Variants in TMEM178B observed in about 807,000 individuals in gnomAD.
TMEM178B encodes the protein transmembrane protein 178B.
In TMEM178B, 5 loss-of-function variants were observed where a neutral mutation model predicts 31.0. That is an observed-to-expected ratio of 0.16 (90% CI 0.08 to 0.34). The LOEUF (loss-of-function observed/expected upper bound fraction) is 0.34. Ranked by LOEUF, TMEM178B falls within the 10% of genes least tolerant of loss-of-function variation. TMEM178B has a pLI of 1.00. For missense variants in TMEM178B, 275 were observed against 400.3 expected (o/e 0.69, Z 2.67); for synonymous variants, 164 against 164.0 (o/e 1.00, Z 0.00).
intron 1 of TMEM178B, among the ~76,000 whole-genome samples, chr7:141,090,021 C>G (rs1034589208): frequency 6.6e-6 from 1 of 151,852 alleles, no homozygotes; most frequent in Non-Finnish European, 1.5e-5. Context: ...AAAAAAAAGT[C>G]TAGCCACCAC....
downstream of TMEM178B, among the ~76,000 whole-genome samples, chr7:141,482,916 G>T (rs150905771): frequency 1.3e-5 from 2 of 150,600 alleles, no homozygotes; most frequent in East Asian, 3.9e-4. Context: ...GTGTGTTTGC[G>T]GGGGGCGGTG....
intron 2 of TMEM178B, among the ~76,000 whole-genome samples, chr7:141,333,532 G>A (rs557169036): frequency 6.6e-6 from 1 of 152,314 alleles, no homozygotes; most frequent in South Asian, 2.1e-4. Context: ...GATGCCAGAG[G>A]AAGTTAATTA....
rs1349039213 is a variant in TMEM178B at position 141,474,585 on chromosome 7, A to G, written c.*3799A>G. ...ACAACTCCTCCAAATCTAGACAAAG[A>G]CTTTCTTAAGCGCCCTGAGCCCAGG... On this transcript the variant is annotated 3_prime_UTR_variant, in exon 4 of 4. Transcript: ENST00000565468. 1.3e-5 allele frequency: 2 copies of G among 152,188 alleles called. No homozygotes were observed. The highest frequency in any genetic ancestry group is 4.8e-5 in the African/African-American group (2 of 41,436). 9.4% of individuals were successfully genotyped at this position (152,188 alleles called of 1,614,324 possible).
intron 3 of TMEM178B, among the ~76,000 whole-genome samples, chr7:141,467,651 T>A (rs933721974): frequency 1.3e-5 from 2 of 152,152 alleles, no homozygotes; most frequent in African/African-American, 4.8e-5. Context: ...CCGAAGTGCC[T>A]TGACCCTACA....
chr7:141,472,903 G>C lies in TMEM178B; in HGVS notation c.*2117G>C, dbSNP rs1225291438. ...TCTCTGGTGCATTTTGTGTACGTTT[G>C]TGTCAGTACACACCTGCACACAGGT... is the stretch of plus-strand genomic sequence containing the variant. On this transcript the variant is annotated 3_prime_UTR_variant, in exon 4 of 4. Coordinates refer to ENST00000565468, the MANE Select transcript of TMEM178B (RefSeq NM_001195278.2). 1.3e-5 allele frequency: 2 copies of C among 152,164 alleles called. No individual in the cohort carries two copies. Among genetic ancestry groups the C allele is most frequent in the African/African-American group, 4.8e-5 (2 of 41,412 alleles). The allele number at this position is 152,164 out of a possible 1,614,324, so 9.4% of individuals were successfully genotyped here.
chr7:141,136,040 A>G (rs183107087), intron 1 of TMEM178B, among the ~76,000 whole-genome samples: 235 of 152,330 alleles, frequency 1.5e-3, no homozygotes, highest in Non-Finnish European at 2.6e-3. Context: ...TAGAATTCAT[A>G]TGGAACCACA....
chr7:141,185,963 T>C (rs1453954013), intron 1 of TMEM178B, among the ~76,000 whole-genome samples: 1 of 152,118 alleles, frequency 6.6e-6, no homozygotes, highest in Non-Finnish European at 1.5e-5. Context: ...AATGTGGACT[T>C]TGGTCCTTGA....
At chr7:141,313,676 C>T (rs1042288341) in intron 2 of TMEM178B, among the ~76,000 whole-genome samples, 1 of 152,016 alleles carries the variant, frequency 6.6e-6, no homozygotes, top group Non-Finnish European at 1.5e-5. Flanking sequence ...TTTTGGCTGC[C>T]CTTTGCAGAG....
In TMEM178B at chr7:141,360,102, C is replaced by T. The variant is rs185316277; in HGVS notation, c.497-77506C>T. The stretch of plus-strand genomic sequence containing the variant: ...GATTTGGGTGGGAACACAGCCAAAC[C>T]ATATCATCACCCCACTCTGACAACT... On this transcript the variant is annotated intron_variant, in intron 2 of 3. Transcript: ENST00000565468. Among the ~76,000 whole-genome samples, 27 of 152,266 alleles carry T rather than the reference C, an allele frequency of 1.8e-4. No individual in the cohort carries two copies. In the East Asian group the frequency reaches 5.0e-3, roughly 28 times the overall value.
At chr7:141,400,575 G>C (rs1045168237) in intron 2 of TMEM178B, among the ~76,000 whole-genome samples, 2 of 152,140 alleles carry the variant, frequency 1.3e-5, no homozygotes, top group African/African-American at 4.8e-5. Flanking sequence ...CCATACTCTT[G>C]TTTAAGGCAG....
In TMEM178B at chr7:141,416,083, C is replaced by G. The variant is rs117770149; in HGVS notation, c.497-21525C>G. The G allele has an allele frequency of 5.7e-3, 878 of 152,856 alleles. 2 individuals are homozygous for G. The highest frequency in any genetic ancestry group is 9.6e-3 in the Non-Finnish European group (653 of 68,052). 9.5% of individuals were successfully genotyped at this position (152,856 alleles called of 1,614,324 possible). On this transcript the variant is annotated intron_variant, in intron 2 of 3. Transcript: ENST00000565468. ...AGAGCCAGAAGGAGCCAGGTTTCTGCTTTCTTGCAGTTCCAAAACTTTGAG... is the reference window on the plus strand; with the variant it reads ...AGAGCCAGAAGGAGCCAGGTTTCTGGTTTCTTGCAGTTCCAAAACTTTGAG...
chr7:141,212,115 T>A (rs1797060754), intron 1 of TMEM178B, among the ~76,000 whole-genome samples: 1 of 152,082 alleles, frequency 6.6e-6, no homozygotes, highest in Admixed American at 6.6e-5. Flanking sequence ...TGTTCAGAGG[T>A]GAGGTTGGGA....
At chr7:141,089,353 G>A (rs1236187283) in intron 1 of TMEM178B, among the ~76,000 whole-genome samples, 2 of 152,158 alleles carry the variant, frequency 1.3e-5, no homozygotes, top group Admixed American at 6.5e-5. Flanking sequence ...CCAGACAAAG[G>A]AAGAATCATG....
rs115106325 is a variant in TMEM178B, at chr7:141,225,422, A to G, written c.496+12718A>G. Among the ~76,000 whole-genome samples the G allele has an allele frequency of 5.5e-3, 702 of 128,716 alleles. 4 individuals are homozygous for G. The highest frequency in any genetic ancestry group is 0.02 in the African/African-American group (674 of 33,652). 84.4% of individuals were successfully genotyped at this position (128,716 alleles called of 152,430 possible). On this transcript the variant is annotated intron_variant, in intron 2 of 3. Coordinates refer to ENST00000565468, the MANE Select transcript of TMEM178B (RefSeq NM_001195278.2). ...TTTTTCATTTAATTACTGCTATCAC[A>G]ACAGGAATTTTTTTTTCTATTCCTT... is the stretch of plus-strand genomic sequence containing the variant.
At chr7:141,324,066 C>CAATA (rs1338424872) in intron 2 of TMEM178B, among the ~76,000 whole-genome samples, 2 of 151,888 alleles carry the variant, frequency 1.3e-5, no homozygotes, top group Non-Finnish European at 2.9e-5. Context: ...AGTGAACGTG[C>CAATA]AATAGAGTGA....
chr7:141,359,466 T>A (rs1799879712), intron 2 of TMEM178B, among the ~76,000 whole-genome samples: 1 of 152,250 alleles, frequency 6.6e-6, no homozygotes, highest in Admixed American at 6.5e-5. Flanking sequence ...TGACCCATTA[T>A]CATTAACTCA....
chr7:141,215,337 A>AT (rs67571979), intron 2 of TMEM178B, among the ~76,000 whole-genome samples: 2 of 141,488 alleles, frequency 1.4e-5, no homozygotes, highest in African/African-American at 5.1e-5. Flanking sequence ...TATTATTATT[A>AT]TTTTTTGAGA....
intron 3 of TMEM178B, among the ~76,000 whole-genome samples, chr7:141,444,196 T>C (rs1652354712): frequency 6.6e-6 from 1 of 152,190 alleles, no homozygotes; most frequent in South Asian, 2.1e-4. Flanking sequence ...TTTTTAACAT[T>C]CTGGATTTGT....
At chr7:141,133,527 TAACCC>T (rs927348774) in intron 1 of TMEM178B, among the ~76,000 whole-genome samples, 4 of 152,162 alleles carry the variant, frequency 2.6e-5, no homozygotes, top group African/African-American at 9.6e-5. Context: ...TCTTTTGAAA[TAACCC>T]AGTCAGACTT....
Sources: gnomAD v4.1 joint callset for allele counts (sites outside exome capture counted in the v4.1 genomes callset) on GRCh38, gnomAD v4.1.1 for gene constraint, MANE v1.5 for transcripts, NCBI Gene and HGNC (gene_info 2026-07-23, HGNC 2026-07-21) for gene names.